The following NEMF variants were observed in gnomAD, a reference collection of about 807,000 sequenced individuals.
The protein encoded by NEMF is ribosome quality control complex subunit NEMF.
Under a neutral mutation model 162.2 loss-of-function variants are expected in NEMF, and 89 were observed. That is an observed-to-expected ratio of 0.55 (90% CI 0.46 to 0.65). NEMF has a LOEUF of 0.65. NEMF is among the 30% of genes least tolerant of loss of function. NEMF has a pLI of 0.00. For synonymous variants in NEMF, 421 were observed against 404.5 expected (o/e 1.04, Z -0.49); for missense variants, 1,133 against 1,261.9 (o/e 0.90, Z 1.55).
chr14:49,805,138 G>C (rs989689520), intron 19 of NEMF, among the ~76,000 whole-genome samples: 1 of 152,054 alleles, frequency 6.6e-6, no homozygotes, highest in Non-Finnish European at 1.5e-5. Flanking sequence ...ACAGCACTGA[G>C]GTAGCAATTT....
At chr14:49,836,057 C>T (rs568315394) in intron 6 of NEMF, among the ~76,000 whole-genome samples, 1 of 152,140 alleles carries the variant, frequency 6.6e-6, no homozygotes, top group Non-Finnish European at 1.5e-5. Flanking sequence ...CCAGGCCAGG[C>T]AGTGGCTCAC....
intron 6 of NEMF, among the ~76,000 whole-genome samples, 179 bp downstream of exon 6, chr14:49,837,960 T>G (rs1191714850): frequency 1.3e-5 from 2 of 152,130 alleles, no homozygotes; most frequent in Non-Finnish European, 2.9e-5. Context: ...TTAAATAAAA[T>G]CTAATAGATA....
At chr14:49,807,233 G>A (rs928026264) in intron 18 of NEMF, among the ~76,000 whole-genome samples, 3 of 152,280 alleles carry the variant, frequency 2.0e-5, no homozygotes, top group East Asian at 3.9e-4. Flanking sequence ...TTCTTTGCAA[G>A]TCTGAATAAT....
At chr14:49,819,323 G>T (rs940526714) in intron 16 of NEMF, among the ~76,000 whole-genome samples, 3 of 151,822 alleles carry the variant, frequency 2.0e-5, no homozygotes, top group African/African-American at 7.3e-5. Flanking sequence ...GTGAGATGAT[G>T]CATATGTTAA....
At chr14:49,830,016 A>G (rs1454602482) in intron 11 of NEMF, among the ~76,000 whole-genome samples, 1 of 152,238 alleles carries the variant, frequency 6.6e-6, no homozygotes, top group Non-Finnish European at 1.5e-5. Context: ...CCCCTAAATT[A>G]ATAAGACAAA....
At chr14:49,832,325 A>T in intron 8 of NEMF, 48 bp from the exon 9 acceptor site, 2 of 1,260,944 alleles carry the variant, frequency 1.6e-6, no homozygotes, top group Admixed American at 2.4e-5. Context: ...ATTAACAAAG[A>T]TTTACTTCTT....
At chr14:49,802,307 AT>A in intron 22 of NEMF, 145 bp downstream of exon 22, 2 of 763,742 alleles carry the variant, frequency 2.6e-6, no homozygotes, top group Non-Finnish European at 2.0e-6. Flanking sequence ...AAAAAAAAAA[AT>A]TCAGTAAAAC....
At chr14:49,837,685 G>A (rs977307841) in intron 6 of NEMF, among the ~76,000 whole-genome samples, 1 of 151,692 alleles carries the variant, frequency 6.6e-6, no homozygotes, top group African/African-American at 2.4e-5. Context: ...CTGCCTCCCC[G>A]TCTTCTCTAG....
At chr14:49,851,329 GAACTCT>G (rs1354753447) in intron 3 of NEMF, among the ~76,000 whole-genome samples, 3 of 152,214 alleles carry the variant, frequency 2.0e-5, no homozygotes, top group African/African-American at 7.2e-5. Flanking sequence ...ATAAAAGCTT[GAACTCT>G]AATAGTGACT....
At chr14:49,823,006 G>A (rs1220523856) in intron 16 of NEMF, among the ~76,000 whole-genome samples, 3 of 150,320 alleles carry the variant, frequency 2.0e-5, no homozygotes, top group Admixed American at 6.7e-5. Context: ...GCACGATCTC[G>A]GCTTACTGAA....
At chr14:49,796,304 AAAC>A in intron 25 of NEMF, 1 of 463,982 alleles carries the variant, frequency 2.2e-6, no homozygotes, top group Non-Finnish European at 4.3e-6. Context: ...GCATTCAATA[AAAC>A]ATCTGTTGAC....
At chr14:49,822,336 AAAAAAAAAAAAGAGG>A (rs1296187641) in intron 16 of NEMF, among the ~76,000 whole-genome samples, 4 of 143,650 alleles carry the variant, frequency 2.8e-5, no homozygotes, top group East Asian at 2.0e-4. Context: ...ACATTTTAAT[AAAAAAAAAAAAGAGG>A]AAAAAAAAAA....
In NEMF at chr14:49,783,155, A is replaced by G. The variant is rs1039073550; in HGVS notation, c.*1481T>C. ...TTAACACCAGTAGCTGTCCTCTATT[A>G]AAGTAAAGTAATGGTTGGGCTTTTT... On this transcript the variant is annotated 3_prime_UTR_variant, in exon 33 of 33. Coordinates refer to ENST00000298310, the MANE Select transcript of NEMF (RefSeq NM_004713.6). The G allele has an allele frequency of 2.5e-6, 1 of 397,738 alleles. No homozygotes were observed. The allele number at this position is 397,738 out of a possible 1,614,324, so 24.6% of individuals were successfully genotyped here.
intron 28 of NEMF, among the ~76,000 whole-genome samples, chr14:49,788,617 G>GC (rs1191421304): frequency 3.4e-5 from 5 of 147,380 alleles, no homozygotes; most frequent in African/African-American, 1.3e-4. Flanking sequence ...GAGTGCAGTG[G>GC]CACAATCTCG....
At chr14:49,822,856 G>A (rs916480366) in intron 16 of NEMF, among the ~76,000 whole-genome samples, 1 of 151,640 alleles carries the variant, frequency 6.6e-6, no homozygotes, top group Non-Finnish European at 1.5e-5. Flanking sequence ...CTATCAGTAT[G>A]TGTGGTGTGG....
rs1893790630 is a variant in NEMF at position 49,851,790 on chromosome 14, C to T, written c.128+17G>A. ...CTTAATTGTCAAAGAGAAAATAAGC[C>T]TATAAAATGTTCTTACTTTTGAAGA... On this transcript the variant is annotated intron_variant, in intron 2 of 32. Transcript: ENST00000298310. The T allele has an allele frequency of 1.3e-6, 2 of 1,494,466 alleles. No individual in the cohort carries two copies. Among genetic ancestry groups the T allele is most frequent in the Admixed American group, 3.7e-5 (2 of 53,924 alleles). 92.6% of individuals were successfully genotyped at this position (1,494,466 alleles called of 1,614,324 possible).
At chr14:49,817,312 G>A (rs1891763134) in intron 16 of NEMF, among the ~76,000 whole-genome samples, 2 of 152,104 alleles carry the variant, frequency 1.3e-5, no homozygotes. Context: ...GCATGGTGGT[G>A]GGCGCCTGTA....
Position 49,829,193 on chromosome 14 carries a change from C to A in NEMF, c.1093G>T (p.Val365Phe), listed in dbSNP as rs1211840030. 6.2e-7 allele frequency: 1 copy of A among 1,614,194 alleles called. No homozygotes were observed. Among genetic ancestry groups the A allele is most frequent in the Admixed American group, 1.7e-5 (1 of 60,034 alleles). ...ATCTGGTTAGCTAAAGCACTTCGAA[C>A]TACCTGAATGGCTCTGTCAACTATT... is the stretch of plus-strand genomic sequence containing the variant. ...LQIVDRAIQV[V>F]RSALANQIDW... Residue 365 changes from valine to phenylalanine, a missense_variant, in exon 13 of 33, where the codon GTT becomes TTT. Val to Phe is a conservative substitution (Grantham distance 50). Coordinates refer to ENST00000298310, the MANE Select transcript of NEMF (RefSeq NM_004713.6).
At chr14:49,835,064 G>A (rs371499452) in intron 6 of NEMF, among the ~76,000 whole-genome samples, 5 of 152,120 alleles carry the variant, frequency 3.3e-5, no homozygotes, top group African/African-American at 9.7e-5. Context: ...GCCAGGCGTG[G>A]TGGCACATGC....
Sources: gnomAD v4.1 joint callset for allele counts (sites outside exome capture counted in the v4.1 genomes callset) on GRCh38, gnomAD v4.1.1 for gene constraint, MANE v1.5 for transcripts, NCBI Gene and HGNC (gene_info 2026-07-23, HGNC 2026-07-21) for gene names.